FHOD3: variants seen among roughly 807,000 people sequenced by gnomAD.
The protein encoded by FHOD3 is formin homology 2 domain containing 3.
Under a neutral mutation model 173.0 loss-of-function variants are expected in FHOD3, and 90 were observed. That is an observed-to-expected ratio of 0.52 (90% CI 0.44 to 0.62). The LOEUF is 0.62. Among genes scored for constraint, FHOD3 ranks in the 20% least tolerant of loss-of-function variants. The pLI, the probability that FHOD3 is intolerant of heterozygous loss-of-function variation, is 0.00. For missense variants in FHOD3, 1,945 were observed against 2,034.7 expected, an observed-to-expected ratio of 0.96 and a Z score of 0.85; for synonymous variants, 828 against 823.0, an observed-to-expected ratio of 1.01 and a Z score of -0.10.
intron 3 of FHOD3, among the ~76,000 whole-genome samples, chr18:36,440,319 C>G (rs561481491): frequency 6.6e-6 from 1 of 152,224 alleles, no homozygotes; most frequent in Non-Finnish European, 1.5e-5. Context: ...CAGGGCACTT[C>G]AGGAAGCCTT....
At chr18:36,742,266 G>A (rs1310936897) in intron 21 of FHOD3, among the ~76,000 whole-genome samples, 1 of 152,176 alleles carries the variant, frequency 6.6e-6, no homozygotes, top group African/African-American at 2.4e-5. Context: ...CTTCTAGTGA[G>A]CAGCCCAGGC....
chr18:36,456,333 T>A (rs1546564), intron 3 of FHOD3, among the ~76,000 whole-genome samples: 2 of 151,926 alleles, frequency 1.3e-5, no homozygotes, highest in African/African-American at 4.9e-5. Context: ...CCTAGAGAGC[T>A]GGGGTCCGGG....
At chr18:36,668,986 C>G (rs1320879272) in intron 14 of FHOD3, among the ~76,000 whole-genome samples, 5 of 151,892 alleles carry the variant, frequency 3.3e-5, no homozygotes, top group African/African-American at 1.2e-4. Flanking sequence ...CTGTAGATGT[C>G]TATTTGGTTG....
At chr18:36,688,015 C>T (rs62084012) in intron 16 of FHOD3, among the ~76,000 whole-genome samples, 26,039 of 152,130 alleles carry the variant, frequency 0.17, 2,373 homozygotes, top group Non-Finnish European at 0.19. Flanking sequence ...CAGCCTAGGT[C>T]ATATAACAGA....
intron 10 of FHOD3, among the ~76,000 whole-genome samples, chr18:36,642,296 A>T (rs1298023824): frequency 1.3e-5 from 2 of 152,174 alleles, no homozygotes; most frequent in African/African-American, 2.4e-5. Flanking sequence ...ATAAAAGTTT[A>T]AAAAAATTGT....
At chr18:36,489,293 G>T (rs1156654827) in intron 3 of FHOD3, among the ~76,000 whole-genome samples, 3 of 152,166 alleles carry the variant, frequency 2.0e-5, no homozygotes, top group Non-Finnish European at 4.4e-5. Context: ...GCCAGTAGGG[G>T]GGTGAGTAGG....
Position 36,740,836 on chromosome 18 carries a change from A to C in FHOD3, c.3757A>C (p.Lys1253Gln). Reference sequence around the variant, plus strand: ...CAAAATGGATTATGAAACTACAGAAAAGGTAAGCTCTCTGTAAGAGAGGCC... The same window carrying C: ...CAAAATGGATTATGAAACTACAGAACAGGTAAGCTCTCTGTAAGAGAGGCC... ...AFKMDYETTE[K>Q]EVAEPLLDLK... The change falls in exon 21 of 29, where the codon AAG (lysine) becomes CAG (glutamine). Residue 1253 changes from lysine (K) to glutamine (Q), a missense_variant and splice_region_variant. Lys to Gln is a moderately conservative substitution (Grantham distance 53, BLOSUM62 1). Around this residue, in one of 5 missense-constraint regions of FHOD3, gnomAD observed 231 missense variants for 321.9 expected, o/e 0.72. Transcript: ENST00000590592. 1 of 1,608,618 alleles carries C rather than the reference A, an allele frequency of 6.2e-7. No individual in the cohort carries two copies. Among genetic ancestry groups the C allele is most frequent in the Non-Finnish European group, 8.5e-7 (1 of 1,178,654 alleles).
chr18:36,625,296 G>A (rs1347325062), intron 9 of FHOD3, among the ~76,000 whole-genome samples: 1 of 152,160 alleles, frequency 6.6e-6, no homozygotes, highest in African/African-American at 2.4e-5. Context: ...CTGTTTGATG[G>A]GAAGAACCTA....
At chr18:36,687,030 CTTTCATGATATACTGT>C (rs1427099266) in intron 15 of FHOD3, 82 bp from the exon 16 acceptor site, 5 of 866,490 alleles carry the variant, frequency 5.8e-6, no homozygotes, top group Non-Finnish European at 8.9e-6. Flanking sequence ...CAGTGCCAGT[CTTTCATGATATACTGT>C]TTATAATTTA....
rs545407326 is a variant in FHOD3, at chr18:36,471,241, C to T, written c.338-30691C>T. Among the ~76,000 whole-genome samples the T allele has an allele frequency of 4.6e-5, 7 of 152,290 alleles. No individual in the cohort carries two copies. In the East Asian group the frequency reaches 1.4e-3, roughly 29 times the overall value. On this transcript the variant is annotated intron_variant, in intron 3 of 28. Coordinates refer to ENST00000590592, the MANE Select transcript of FHOD3 (RefSeq NM_001281740.3). ...TGAATGCTGATAGGAGTGTCCTGAG[C>T]TGGTGAACACCATGCTGCCACCTCT... is the stretch of plus-strand genomic sequence containing the variant.
chr18:36,305,037 C>T (rs1171174103), intron 1 of FHOD3, among the ~76,000 whole-genome samples: 1 of 152,082 alleles, frequency 6.6e-6, no homozygotes, highest in Admixed American at 6.5e-5. Flanking sequence ...TACCTTGGCA[C>T]CCTTATAATT....
intron 13 of FHOD3, 123 bp downstream of exon 13, chr18:36,653,539 C>A: frequency 1.4e-6 from 1 of 720,606 alleles, no homozygotes; most frequent in Non-Finnish European, 2.3e-6. Context: ...ACAGTTTGAA[C>A]CACTTCATAG....
intron 19 of FHOD3, among the ~76,000 whole-genome samples, chr18:36,728,123 T>C (rs1280467316): frequency 6.6e-6 from 1 of 152,202 alleles, no homozygotes; most frequent in Non-Finnish European, 1.5e-5. Flanking sequence ...TGGGGCCAGC[T>C]TCAGTTGCAG....
At chr18:36,470,566 A>C (rs1196706856) in intron 3 of FHOD3, among the ~76,000 whole-genome samples, 1 of 152,204 alleles carries the variant, frequency 6.6e-6, no homozygotes, top group African/African-American at 2.4e-5. Flanking sequence ...TGGTTGTATA[A>C]TTATACAATA....
chr18:36,572,879 C>G (rs2058502596), intron 5 of FHOD3, among the ~76,000 whole-genome samples: 1 of 152,098 alleles, frequency 6.6e-6, no homozygotes, highest in Non-Finnish European at 1.5e-5. Context: ...CAGGATTGGC[C>G]TTTTCAGCAG....
intron 3 of FHOD3, among the ~76,000 whole-genome samples, chr18:36,416,680 T>A (rs1367835769): frequency 6.6e-6 from 1 of 152,216 alleles, no homozygotes; most frequent in East Asian, 1.9e-4. Flanking sequence ...GTTGGACTTT[T>A]GCATCGCTCT....
intron 3 of FHOD3, among the ~76,000 whole-genome samples, chr18:36,407,886 G>T (rs756199259): frequency 2.0e-5 from 3 of 152,218 alleles, no homozygotes; most frequent in Non-Finnish European, 4.4e-5. Flanking sequence ...GTGGTGAACT[G>T]AGTGAGAGCT....
chr18:36,361,235 G>A (rs888128886), intron 2 of FHOD3, among the ~76,000 whole-genome samples: 2 of 152,082 alleles, frequency 1.3e-5, no homozygotes, highest in Non-Finnish European at 2.9e-5. Context: ...GAGAAAACTG[G>A]CCCTTTAAAA....
intron 9 of FHOD3, among the ~76,000 whole-genome samples, chr18:36,620,905 T>A (rs913058209): frequency 6.6e-6 from 1 of 152,224 alleles, no homozygotes; most frequent in Non-Finnish European, 1.5e-5. Flanking sequence ...GAACCAATTT[T>A]TTTTTTCACA....
Sources: gnomAD v4.1 joint callset for allele counts (sites outside exome capture counted in the v4.1 genomes callset) on GRCh38, gnomAD v4.1.1 for gene constraint, gnomAD v4.1.1 regional missense constraint, MANE v1.5 for transcripts, NCBI Gene and HGNC (gene_info 2026-07-23, HGNC 2026-07-21) for gene names.